The following OPCML variants were observed in gnomAD, a reference collection of about 807,000 sequenced individuals.
OPCML encodes opioid-binding protein/cell adhesion molecule.
OPCML carries 13 observed loss-of-function variants against 37.8 expected under a neutral mutation model. That is an observed-to-expected ratio of 0.34 (90% confidence interval 0.22 to 0.55). The LOEUF is 0.55. OPCML is among the 20% of genes least tolerant of loss of function. OPCML has a pLI of 0.91. For synonymous variants in OPCML, 176 were observed against 168.8 expected (o/e 1.04, Z -0.33); for missense variants, 341 against 435.6 (o/e 0.78, Z 1.93).
At chr11:132,551,725 G>C (rs4936171) in intron 3 of OPCML, among the ~76,000 whole-genome samples, 1 of 151,908 alleles carries the variant, frequency 6.6e-6, no homozygotes, top group Non-Finnish European at 1.5e-5. Context: ...GACACAATTT[G>C]TCAGCACTCT....
intron 1 of OPCML, among the ~76,000 whole-genome samples, chr11:133,404,492 C>T (rs1320006262): frequency 3.3e-5 from 5 of 152,072 alleles, no homozygotes; most frequent in African/African-American, 1.2e-4. Flanking sequence ...CATGACAATC[C>T]CAAAAAGTAA....
At chr11:132,933,119 T>C (rs149757009) in intron 2 of OPCML, among the ~76,000 whole-genome samples, 176 of 152,240 alleles carry the variant, frequency 1.2e-3, no homozygotes, top group African/African-American at 3.9e-3. Flanking sequence ...GCGGGAGGCA[T>C]GTTGCTGATA....
At chr11:133,481,447 AT>A (rs898489322) in intron 1 of OPCML, among the ~76,000 whole-genome samples, 3 of 148,236 alleles carry the variant, frequency 2.0e-5, no homozygotes, top group Non-Finnish European at 3.0e-5. Flanking sequence ...AGTTAAAAAA[AT>A]AAATAAATAA....
chr11:132,737,999 A>G (rs1945315393), intron 2 of OPCML, among the ~76,000 whole-genome samples: 1 of 152,100 alleles, frequency 6.6e-6, no homozygotes, highest in Non-Finnish European at 1.5e-5. Flanking sequence ...CCCTTCCCTC[A>G]TCTAACTGCT....
intron 1 of OPCML, chr11:133,298,581 C>T (rs1367787612): frequency 6.6e-6 from 1 of 152,122 alleles, no homozygotes; most frequent in Non-Finnish European, 1.5e-5. Flanking sequence ...CAAAACGATA[C>T]TGGTCAAAGG....
intron 7 of OPCML, among the ~76,000 whole-genome samples, chr11:132,425,109 T>C (rs900283208): frequency 6.6e-6 from 1 of 152,184 alleles, no homozygotes; most frequent in African/African-American, 2.4e-5. Context: ...AATGTTGAAG[T>C]CGTTCATTCA....
intron 2 of OPCML, among the ~76,000 whole-genome samples, chr11:132,903,423 A>G (rs750026872): frequency 6.6e-6 from 1 of 152,228 alleles, no homozygotes; most frequent in Non-Finnish European, 1.5e-5. Flanking sequence ...TAAACCAAAA[A>G]TAAAATTCTA....
chr11:132,574,369 T>C (rs1354154562), intron 3 of OPCML, among the ~76,000 whole-genome samples: 1 of 151,630 alleles, frequency 6.6e-6, no homozygotes, highest in East Asian at 1.9e-4. Context: ...TAATCTTCCT[T>C]CTTGTTTTTA....
At chr11:132,575,036 G>T (rs1473926331) in intron 3 of OPCML, among the ~76,000 whole-genome samples, 1 of 151,882 alleles carries the variant, frequency 6.6e-6, no homozygotes, top group East Asian at 1.9e-4. Flanking sequence ...CAGTTTTTAA[G>T]TTAAAGTCAG....
At chr11:132,473,829 A>C (rs1276211459) in intron 4 of OPCML, among the ~76,000 whole-genome samples, 1 of 152,126 alleles carries the variant, frequency 6.6e-6, no homozygotes, top group Non-Finnish European at 1.5e-5. Context: ...CTGTCACACA[A>C]AAAAATCATA....
rs571345062 is a variant in OPCML at position 132,685,545 on chromosome 11, T to C, written c.147-28226A>G. 5.0e-4 allele frequency among the ~76,000 whole-genome samples: 76 copies of C among 152,294 alleles called. No individual in the cohort carries two copies. The South Asian group carries it at 0.016, about 32-fold the overall frequency. On this transcript the variant is annotated intron_variant, in intron 2 of 7. Transcript: ENST00000524381. ...AAACCACAAAGGAGAAGACACATGT[T>C]TTAAAATGAAATGTAGCAATCATCC...
intron 1 of OPCML, among the ~76,000 whole-genome samples, chr11:133,483,682 A>AGAT (rs143863561): frequency 9.5e-6 from 1 of 104,904 alleles, no homozygotes; most frequent in Non-Finnish European, 1.9e-5. Flanking sequence ...GATGATAGAT[A>AGAT]GATAGATAGA....
At chr11:133,516,980 CAG>C (rs1948292592) in intron 1 of OPCML, among the ~76,000 whole-genome samples, 2 of 152,336 alleles carry the variant, frequency 1.3e-5, no homozygotes, top group South Asian at 4.1e-4. Flanking sequence ...TACCCACATC[CAG>C]AGTGAGCTGT....
At chr11:132,633,724 G>T (rs897438775) in intron 3 of OPCML, among the ~76,000 whole-genome samples, 10 of 152,164 alleles carry the variant, frequency 6.6e-5, no homozygotes, top group African/African-American at 2.4e-4. Context: ...GGTGTGTATG[G>T]GTGTGGGGTG....
intron 1 of OPCML, among the ~76,000 whole-genome samples, chr11:133,386,939 C>A (rs1945068291): frequency 6.6e-6 from 1 of 152,158 alleles, no homozygotes; most frequent in Non-Finnish European, 1.5e-5. Context: ...TTGGAGGCTG[C>A]AGAGGGTCCT....
chr11:132,485,077 A>T (rs911377170), intron 4 of OPCML, among the ~76,000 whole-genome samples: 1 of 147,910 alleles, frequency 6.8e-6, no homozygotes, highest in Non-Finnish European at 1.5e-5. Flanking sequence ...ATAATAAAAA[A>T]ATAATAATAA....
chr11:132,902,532 G>A (rs756816106), intron 2 of OPCML, among the ~76,000 whole-genome samples: 1 of 152,076 alleles, frequency 6.6e-6, no homozygotes, highest in Admixed American at 6.5e-5. Flanking sequence ...ATCAGGGATG[G>A]GGGAGAAGAA....
At chr11:132,500,360 A>G (rs1209332035) in intron 4 of OPCML, among the ~76,000 whole-genome samples, 1 of 152,166 alleles carries the variant, frequency 6.6e-6, no homozygotes, top group African/African-American at 2.4e-5. Flanking sequence ...AATTTCCATA[A>G]TCAGGAAAAT....
intron 1 of OPCML, among the ~76,000 whole-genome samples, chr11:133,140,592 AAGAAG>A (rs1420574001): frequency 1.4e-5 from 2 of 147,958 alleles, no homozygotes; most frequent in African/African-American, 4.9e-5. Flanking sequence ...AGAAAAAAGA[AAGAAG>A]AAAGAAGAAA....
Sources: gnomAD v4.1 joint callset for allele counts (sites outside exome capture counted in the v4.1 genomes callset) on GRCh38, gnomAD v4.1.1 for gene constraint, MANE v1.5 for transcripts, NCBI Gene and HGNC (gene_info 2026-07-23, HGNC 2026-07-21) for gene names.